The following RDX variants were observed in gnomAD, a reference collection of about 807,000 sequenced individuals.
RDX encodes the protein deafness, autosomal recessive 24.
In RDX, 32 loss-of-function variants were observed where a neutral mutation model predicts 83.7. That is an observed-to-expected ratio of 0.38 (90% CI 0.29 to 0.51). The LOEUF is 0.51. Ranked by LOEUF, RDX falls within the 20% of genes least tolerant of loss-of-function variation. The pLI, the probability that RDX is intolerant of heterozygous loss-of-function variation, is 0.87. For synonymous variants in RDX, 229 were observed against 222.7 expected, an observed-to-expected ratio of 1.03 and a Z score of -0.25; for missense variants, 600 against 689.9, an observed-to-expected ratio of 0.87 and a Z score of 1.46.
At chr11:110,186,751 T>A (rs947572597) in intron 15 of RDX, among the ~76,000 whole-genome samples, 1 of 152,136 alleles carries the variant, frequency 6.6e-6, no homozygotes, top group Non-Finnish European at 1.5e-5. Context: ...TGGAGCGGAC[T>A]TATGAAGCAG....
At chr11:110,259,440 T>C (rs1047884541) in intron 5 of RDX, among the ~76,000 whole-genome samples, 1 of 152,210 alleles carries the variant, frequency 6.6e-6, no homozygotes, top group African/African-American at 2.4e-5. Context: ...TTTTACTATA[T>C]AAAAAATCTT....
chr11:110,234,736 T>C (rs1450883270), intron 12 of RDX, among the ~76,000 whole-genome samples: 10 of 152,170 alleles, frequency 6.6e-5, no homozygotes, highest in Admixed American at 5.9e-4. Context: ...AACAGTAGCA[T>C]TCCTTTTGTA....
intron 5 of RDX, among the ~76,000 whole-genome samples, 179 bp from the exon 6 acceptor site, chr11:110,258,368 A>G (rs1241470337): frequency 6.6e-6 from 1 of 152,176 alleles, no homozygotes; most frequent in East Asian, 1.9e-4. Context: ...GGTAAAACTG[A>G]TGTAATCTGA....
intron 15 of RDX, among the ~76,000 whole-genome samples, chr11:110,186,243 A>G (rs1441471001): frequency 6.6e-6 from 1 of 152,166 alleles, no homozygotes; most frequent in Non-Finnish European, 1.5e-5. Flanking sequence ...TCCCAATGAT[A>G]AACACACACT....
intron 14 of RDX, among the ~76,000 whole-genome samples, chr11:110,212,039 T>C (rs1326033328): frequency 1.4e-5 from 2 of 139,804 alleles, no homozygotes; most frequent in Non-Finnish European, 3.1e-5. Context: ...AATTAATGAA[T>C]CCAGGAGCTG....
intron 2 of RDX, among the ~76,000 whole-genome samples, chr11:110,277,674 A>T (rs1306127516): frequency 1.3e-5 from 2 of 151,552 alleles, no homozygotes; most frequent in Non-Finnish European, 2.9e-5. Flanking sequence ...TATTTTGTCC[A>T]CTAAAAAAAA....
chr11:110,190,586 A>G (rs979291380), intron 15 of RDX, among the ~76,000 whole-genome samples: 1 of 152,328 alleles, frequency 6.6e-6, no homozygotes, highest in Non-Finnish European at 1.5e-5. Context: ...GAGAAAAGAA[A>G]TAACTAAAAT....
At chr11:110,237,058 A>G (rs1293613805) in intron 11 of RDX, among the ~76,000 whole-genome samples, 4 of 148,656 alleles carry the variant, frequency 2.7e-5, no homozygotes, top group African/African-American at 1.0e-4. Context: ...TTGCAAGTCC[A>G]CTAAATAAAA....
At chr11:110,238,234 G>C (rs1864941419) in intron 10 of RDX, among the ~76,000 whole-genome samples, 2 of 152,154 alleles carry the variant, frequency 1.3e-5, no homozygotes, top group Admixed American at 6.5e-5. Flanking sequence ...AAAAATGTGA[G>C]TTATTGGTAT....
At chr11:110,198,526 C>T (rs1344481805) in intron 15 of RDX, among the ~76,000 whole-genome samples, 3 of 152,304 alleles carry the variant, frequency 2.0e-5, no homozygotes, top group Admixed American at 1.3e-4. Flanking sequence ...ATGGCCTGAG[C>T]GCCGCCTCTT....
chr11:110,216,402 T>C (rs1402061545), intron 14 of RDX, among the ~76,000 whole-genome samples: 3 of 151,934 alleles, frequency 2.0e-5, no homozygotes, highest in African/African-American at 7.3e-5. Context: ...AAACAGGGTC[T>C]TGCTCTGTTG....
chr11:110,230,679 T>A lies in RDX; in HGVS notation c.*1190A>T, dbSNP rs1864599527. The A allele has an allele frequency of 6.6e-6, 1 of 152,390 alleles. No homozygotes were observed. 9.4% of individuals were successfully genotyped at this position (152,390 alleles called of 1,614,324 possible). On this transcript the variant is annotated 3_prime_UTR_variant, in exon 14 of 14. Coordinates refer to ENST00000645495, the MANE Select transcript of RDX (RefSeq NM_002906.4). ...CCCCTCCAGGATGATAGTATACCAG[T>A]GAGGAGCTTACAATTTTAATACAAA...
chr11:110,255,281 T>C lies in RDX; in HGVS notation c.795+8A>G. On this transcript the variant is annotated splice_region_variant and intron_variant, in intron 8 of 13. Coordinates refer to ENST00000645495, the MANE Select transcript of RDX (RefSeq NM_002906.4). ...GTTAATACACAAAATATTAAAGAAA[T>C]TACTTACAGGTGCCTTTTTGTCGAT... 1 of 1,393,934 alleles carries C rather than the reference T, an allele frequency of 7.2e-7. No homozygotes were observed. The highest frequency in any genetic ancestry group is 1.0e-6 in the Non-Finnish European group (1 of 981,918). 86.3% of individuals were successfully genotyped at this position (1,393,934 alleles called of 1,614,324 possible).
At chr11:110,182,495 G>A (rs1332737410) in intron 15 of RDX, among the ~76,000 whole-genome samples, 1 of 150,748 alleles carries the variant, frequency 6.6e-6, no homozygotes, top group Non-Finnish European at 1.5e-5. Flanking sequence ...CAGCTACTCG[G>A]GAGGCTGAGG....
chr11:110,219,171 T>G (rs994835578), intron 14 of RDX, among the ~76,000 whole-genome samples: 1 of 151,912 alleles, frequency 6.6e-6, no homozygotes, highest in Non-Finnish European at 1.5e-5. Context: ...TTCCTGGAGG[T>G]GGCAAGGGAG....
chr11:110,279,689 G>T lies in RDX; in HGVS notation c.4C>A (p.Pro2Thr). The stretch of plus-strand genomic sequence containing the variant: ...TAATAAAATACACTTACTGGTTTCG[G>T]CATTTTCTTTCTCTTTTTGTTACCT... MPKPINVRVTTM... is the reference protein window; with the variant it reads MTKPINVRVTTM... The change falls in exon 2 of 14, where the codon CCG (proline) becomes ACG (threonine). Residue 2 changes from proline (P) to threonine (T), a missense_variant. Physicochemically the swap from Pro to Thr is conservative, Grantham distance 38 (BLOSUM62 -1). Transcript: ENST00000645495. The T allele has an allele frequency of 6.6e-7, 1 of 1,525,284 alleles. No individual in the cohort carries two copies. The highest frequency in any genetic ancestry group is 9.1e-7 in the Non-Finnish European group (1 of 1,102,392). 94.5% of individuals were successfully genotyped at this position (1,525,284 alleles called of 1,614,324 possible). A position where few individuals can be genotyped will look rare whatever the true frequency, so the allele number is the denominator to read the frequency against.
intron 7 of RDX, among the ~76,000 whole-genome samples, chr11:110,256,355 C>T (rs1233680118): frequency 6.6e-6 from 1 of 151,938 alleles, no homozygotes; most frequent in Admixed American, 6.6e-5. Context: ...CTCTAATGGC[C>T]CCTGATATAA....
Position 110,183,209 on chromosome 11 carries a change from C to T in RDX, c.*32-7975G>A, listed in dbSNP as rs183816074. ...CCTGAGTGTACACACCCAGGACCTGCCAGCTCCTCTCAGAGGTGGCGATGC... is the reference window on the plus strand; with the variant it reads ...CCTGAGTGTACACACCCAGGACCTGTCAGCTCCTCTCAGAGGTGGCGATGC... On this transcript the variant is annotated intron_variant, in intron 15 of 15. Coordinates refer to the RDX transcript ENST00000528498. Among the ~76,000 whole-genome samples the T allele has an allele frequency of 7.2e-3, 1,092 of 152,278 alleles. 20 individuals are homozygous for T. Among genetic ancestry groups the T allele is most frequent in the African/African-American group, 0.023 (973 of 41,552 alleles).
At chr11:110,209,400 C>T (rs1373747313) in intron 14 of RDX, among the ~76,000 whole-genome samples, 1 of 151,206 alleles carries the variant, frequency 6.6e-6, no homozygotes, top group Non-Finnish European at 1.5e-5. Flanking sequence ...AAGGCGGCAG[C>T]GAGGCTGGGG....
Sources: gnomAD v4.1 joint callset for allele counts (sites outside exome capture counted in the v4.1 genomes callset) on GRCh38, gnomAD v4.1.1 for gene constraint, MANE v1.5 for transcripts, NCBI Gene and HGNC (gene_info 2026-07-23, HGNC 2026-07-21) for gene names.